The following CCBE1 variants were observed in gnomAD, a reference collection of about 807,000 sequenced individuals.
CCBE1 encodes the protein collagen and calcium binding EGF domains 1, also known as collagen and calcium-binding EGF domain-containing protein 1.
CCBE1 carries 37 observed loss-of-function variants against 50.0 expected under a neutral mutation model. That is an observed-to-expected ratio of 0.74 (90% CI 0.57 to 0.97). The LOEUF is 0.97. Ranked by LOEUF, CCBE1 falls within the 50% of genes least tolerant of loss-of-function variation. The probability of loss-of-function intolerance (pLI) is 0.00; values close to 1 mark genes in which losing one functional copy is unlikely to be tolerated. For missense variants in CCBE1, 538 were observed against 523.8 expected (o/e 1.03, Z -0.26); for synonymous variants, 234 against 203.7 (o/e 1.15, Z -1.27).
intron 2 of CCBE1, among the ~76,000 whole-genome samples, chr18:59,678,091 C>T (rs565604370): frequency 2.1e-4 from 32 of 152,104 alleles, no homozygotes; most frequent in African/African-American, 2.9e-4. Context: ...TAAGCGGGTG[C>T]GGTAGTCGTA....
chr18:59,659,601 C>T (rs1451360287), intron 2 of CCBE1, among the ~76,000 whole-genome samples: 1 of 152,168 alleles, frequency 6.6e-6, no homozygotes, highest in Non-Finnish European at 1.5e-5. Context: ...CTATCGAATG[C>T]ACAGCCAGAA....
At chr18:59,531,928 G>A (rs1361080473) in intron 2 of CCBE1, among the ~76,000 whole-genome samples, 4 of 152,152 alleles carry the variant, frequency 2.6e-5, no homozygotes, top group East Asian at 1.9e-4. Context: ...CCAAGGCATC[G>A]CTTTTCACCT....
chr18:59,547,622 G>A (rs1915757837), intron 2 of CCBE1, among the ~76,000 whole-genome samples: 1 of 152,182 alleles, frequency 6.6e-6, no homozygotes, highest in Non-Finnish European at 1.5e-5. Context: ...TCACACACCT[G>A]ATAAAGATTT....
intron 2 of CCBE1, among the ~76,000 whole-genome samples, chr18:59,584,483 G>T (rs1172761567): frequency 7.9e-5 from 12 of 151,162 alleles, no homozygotes; most frequent in Admixed American, 2.0e-4. Flanking sequence ...ACATGCACCC[G>T]AAAACTTAAA....
intron 2 of CCBE1, among the ~76,000 whole-genome samples, chr18:59,571,691 T>C (rs2144487335): frequency 1.3e-5 from 2 of 152,288 alleles, no homozygotes; most frequent in South Asian, 2.1e-4. Context: ...AATAAACATA[T>C]GGATGAAATG....
intron 6 of CCBE1, among the ~76,000 whole-genome samples, chr18:59,449,865 T>C (rs1910850937): frequency 6.6e-6 from 1 of 152,138 alleles, no homozygotes; most frequent in Admixed American, 6.5e-5. Flanking sequence ...ATTTGGCCTC[T>C]TGAAAAAGTG....
chr18:59,585,790 C>G (rs1021288950), intron 2 of CCBE1, among the ~76,000 whole-genome samples: 15 of 152,196 alleles, frequency 9.9e-5, no homozygotes, highest in Admixed American at 2.6e-4. Flanking sequence ...GCTTAATCCA[C>G]ACACATAGGC....
At chr18:59,478,671 A>G (rs1188757239) in intron 3 of CCBE1, among the ~76,000 whole-genome samples, 1 of 152,238 alleles carries the variant, frequency 6.6e-6, no homozygotes, top group Non-Finnish European at 1.5e-5. Context: ...TGTGGTATCC[A>G]TGCAATGTGT....
chr18:59,472,976 T>C (rs1426927044), intron 3 of CCBE1, among the ~76,000 whole-genome samples: 1 of 152,150 alleles, frequency 6.6e-6, no homozygotes, highest in African/African-American at 2.4e-5. Context: ...GAGAACAGTA[T>C]GGGGAAACTG....
chr18:59,684,759 T>C (rs1404715618), intron 2 of CCBE1, among the ~76,000 whole-genome samples: 9 of 152,230 alleles, frequency 5.9e-5, no homozygotes, highest in Admixed American at 5.9e-4. Flanking sequence ...ATTTGGAGAC[T>C]GCCTGGTTTA....
At chr18:59,647,492 C>A (rs1411916329) in intron 2 of CCBE1, among the ~76,000 whole-genome samples, 1 of 151,996 alleles carries the variant, frequency 6.6e-6, no homozygotes, top group Non-Finnish European at 1.5e-5. Context: ...AGATTTTTTT[C>A]TGCTTTTGTA....
At chr18:59,522,861 G>A (rs565185712) in intron 2 of CCBE1, among the ~76,000 whole-genome samples, 18 of 151,792 alleles carry the variant, frequency 1.2e-4, no homozygotes, top group East Asian at 5.8e-4. Context: ...GCGTGGTGGC[G>A]GGCGCCTGTA....
At chr18:59,566,784 A>T (rs548330665) in intron 2 of CCBE1, among the ~76,000 whole-genome samples, 1 of 151,686 alleles carries the variant, frequency 6.6e-6, no homozygotes, top group African/African-American at 2.4e-5. Flanking sequence ...TTTTTTGTCC[A>T]ACCCCCACCC....
intron 2 of CCBE1, among the ~76,000 whole-genome samples, chr18:59,543,846 A>AAG (rs1555690343): frequency 1.4e-5 from 2 of 140,586 alleles, no homozygotes; most frequent in Non-Finnish European, 3.0e-5. Context: ...AAAAAAAAAA[A>AAG]AAAAAAAAAA....
At chr18:59,471,539 T>C (rs1008357831) in intron 3 of CCBE1, among the ~76,000 whole-genome samples, 1 of 152,238 alleles carries the variant, frequency 6.6e-6, no homozygotes, top group Non-Finnish European at 1.5e-5. Flanking sequence ...GAATTACTTG[T>C]ACCTTCTTGA....
intron 6 of CCBE1, among the ~76,000 whole-genome samples, chr18:59,451,339 G>T (rs1188302720): frequency 6.7e-6 from 1 of 149,752 alleles, no homozygotes; most frequent in African/African-American, 2.5e-5. Flanking sequence ...TTGAGTGCCA[G>T]CCCTCTCCTT....
chr18:59,636,188 C>T (rs796192049), intron 2 of CCBE1, among the ~76,000 whole-genome samples: 9 of 152,068 alleles, frequency 5.9e-5, no homozygotes, highest in African/African-American at 2.2e-4. Context: ...GAACTCCTTA[C>T]ATAAGGCATA....
chr18:59,478,988 G>A (rs543616422), intron 3 of CCBE1, among the ~76,000 whole-genome samples: 2 of 152,280 alleles, frequency 1.3e-5, no homozygotes, highest in African/African-American at 4.8e-5. Flanking sequence ...CACAGCTATG[G>A]TTCAATGAAC....
intron 6 of CCBE1, among the ~76,000 whole-genome samples, chr18:59,449,414 G>A (rs1261383701): frequency 1.3e-5 from 2 of 150,862 alleles, no homozygotes; most frequent in African/African-American, 2.4e-5. Flanking sequence ...TTGAGGTCAA[G>A]AGTTCGAGAC....
Sources: gnomAD v4.1 joint callset for allele counts (sites outside exome capture counted in the v4.1 genomes callset) on GRCh38, gnomAD v4.1.1 for gene constraint, MANE v1.5 for transcripts, NCBI Gene and HGNC (gene_info 2026-07-23, HGNC 2026-07-21) for gene names.